Variants in GUCY1A2 observed in about 807,000 individuals in gnomAD.
The protein encoded by GUCY1A2 is guanylate cyclase 1 soluble subunit alpha 2.
In GUCY1A2, 27 loss-of-function variants were observed where a neutral mutation model predicts 63.5. The observed-to-expected ratio is 0.43, with a 90% confidence interval of 0.31 to 0.59. The LOEUF (loss-of-function observed/expected upper bound fraction) is 0.59. GUCY1A2 is among the 20% of genes least tolerant of loss of function. GUCY1A2 has a pLI of 0.11. For missense variants in GUCY1A2, 768 were observed against 913.3 expected (o/e 0.84, Z 2.05); for synonymous variants, 364 against 343.5 (o/e 1.06, Z -0.66).
chr11:106,866,621 TG>T (rs1337267934), intron 4 of GUCY1A2, among the ~76,000 whole-genome samples: 1 of 152,068 alleles, frequency 6.6e-6, no homozygotes, highest in Non-Finnish European at 1.5e-5. Context: ...ATTTGGTCTG[TG>T]GTAATAATGA....
chr11:106,966,411 T>C (rs1861127743), intron 3 of GUCY1A2, among the ~76,000 whole-genome samples: 3 of 152,026 alleles, frequency 2.0e-5, no homozygotes, highest in Admixed American at 2.0e-4. Flanking sequence ...CCCGGCCCCA[T>C]TGTCTTATTT....
Position 106,678,892 on chromosome 11 carries a change from T to C in GUCY1A2, c.*8657A>G, listed in dbSNP as rs192984070. 2 of 189,742 alleles carry C rather than the reference T, an allele frequency of 1.1e-5. No homozygotes were observed. The highest frequency in any genetic ancestry group is 1.9e-4 in the South Asian group (1 of 5,148). 11.8% of individuals were successfully genotyped at this position (189,742 alleles called of 1,614,324 possible). On this transcript the variant is annotated 3_prime_UTR_variant, in exon 8 of 8. Coordinates refer to ENST00000526355, the MANE Select transcript of GUCY1A2 (RefSeq NM_000855.3). ...AGTCTGTCATATTTATGACTTTTTT[T>C]CTGTAACAAATGGAAAATATAAAGT...
rs71044206 is a variant in GUCY1A2, at chr11:107,014,079, C to CTTT, written c.303+3671_303+3673dup. On this transcript the variant is annotated intron_variant, in intron 1 of 7. Transcript: ENST00000526355. ...AACTTATAATATATGCCATGTTTTC[C>CTTT]TTTTTTTTTTTTTTTTTTTTTTTTT... Among the ~76,000 whole-genome samples, 319 of 70,036 alleles carry CTTT rather than the reference C, an allele frequency of 4.6e-3. 32 individuals are homozygous for CTTT. Among genetic ancestry groups the CTTT allele is most frequent in the African/African-American group, 0.014 (243 of 16,834 alleles). 45.9% of individuals were successfully genotyped at this position (70,036 alleles called of 152,430 possible).
At position 106,850,194 on chromosome 11, in the gene GUCY1A2, A is replaced by G. The variant is rs552128032; in HGVS notation, c.1207-39716T>C. On this transcript the variant is annotated intron_variant, in intron 4 of 7. Transcript: ENST00000526355. ...TCATTTGAGTTCTCCATTTAGGTCT[A>G]TAATCCATTTTTTCCCTTTTTCTAG... is the stretch of plus-strand genomic sequence containing the variant. Among the ~76,000 whole-genome samples the G allele has an allele frequency of 3.6e-4, 55 of 151,882 alleles. 2 individuals are homozygous for G. The highest frequency in any genetic ancestry group is 2.8e-3 in the Admixed American group (42 of 15,238).
chr11:106,827,262 G>C, intron 4 of GUCY1A2: 1 of 1,551,228 alleles, frequency 6.4e-7, no homozygotes, highest in Non-Finnish European at 8.9e-7. Flanking sequence ...TTGTATATCT[G>C]GTTCTTTTAT....
intron 4 of GUCY1A2, among the ~76,000 whole-genome samples, chr11:106,870,377 G>A (rs1370753977): frequency 6.6e-6 from 1 of 151,772 alleles, no homozygotes; most frequent in Non-Finnish European, 1.5e-5. Flanking sequence ...GGAGTTCTTT[G>A]GTATTTAGTT....
rs1862520719 is a variant in GUCY1A2 at position 106,685,997 on chromosome 11, A to G, written c.*1552T>C. 1 of 219,406 alleles carries G rather than the reference A, an allele frequency of 4.6e-6. No individual in the cohort carries two copies. Among genetic ancestry groups the G allele is most frequent in the African/African-American group, 2.2e-5 (1 of 44,568 alleles). The allele number at this position is 219,406 out of a possible 1,614,324, so 13.6% of individuals were successfully genotyped here. On this transcript the variant is annotated 3_prime_UTR_variant, in exon 8 of 8. Coordinates refer to ENST00000526355, the MANE Select transcript of GUCY1A2 (RefSeq NM_000855.3). ...ATATATTCCTTAACTGAGTTATGTC[A>G]TAACCAAATCATAATGCAGCCAAAA...
chr11:106,863,216 T>C (rs1027438962), intron 4 of GUCY1A2, among the ~76,000 whole-genome samples: 1 of 152,194 alleles, frequency 6.6e-6, no homozygotes, highest in African/African-American at 2.4e-5. Flanking sequence ...TCTTTGCCCA[T>C]GCCTATTTCC....
chr11:106,881,638 T>A (rs1359018871), intron 4 of GUCY1A2, among the ~76,000 whole-genome samples: 1 of 152,014 alleles, frequency 6.6e-6, no homozygotes, highest in Admixed American at 6.6e-5. Flanking sequence ...TACCAAAATG[T>A]CACCTATGCT....
At chr11:106,740,422 G>T (rs1472504363) in intron 6 of GUCY1A2, among the ~76,000 whole-genome samples, 1 of 152,004 alleles carries the variant, frequency 6.6e-6, no homozygotes, top group Non-Finnish European at 1.5e-5. Context: ...TCTATGGTTG[G>T]CCATAGAGCA....
chr11:106,787,548 T>C (rs548970599), intron 5 of GUCY1A2, among the ~76,000 whole-genome samples: 51 of 1,594 alleles, frequency 0.032, no homozygotes, highest in Non-Finnish European at 0.043. Context: ...GAGAGAAAGA[T>C]AGAGAAAGAG....
chr11:106,960,051 A>G (rs1201236424), intron 3 of GUCY1A2, among the ~76,000 whole-genome samples: 1 of 152,188 alleles, frequency 6.6e-6, no homozygotes, highest in Non-Finnish European at 1.5e-5. Flanking sequence ...GCTGTAGCAT[A>G]ATCTTTCCAC....
chr11:106,832,703 G>A (rs977856352), intron 4 of GUCY1A2, among the ~76,000 whole-genome samples: 4 of 152,102 alleles, frequency 2.6e-5, no homozygotes, highest in Admixed American at 6.6e-5. Context: ...TTGCTTGAAT[G>A]TTTTCCTGAC....
At chr11:106,790,476 C>T (rs948673249) in intron 5 of GUCY1A2, among the ~76,000 whole-genome samples, 1 of 152,230 alleles carries the variant, frequency 6.6e-6, no homozygotes, top group Non-Finnish European at 1.5e-5. Context: ...CTACTTATTG[C>T]TCTACCTTAC....
chr11:106,955,101 T>G (rs2120039087), intron 3 of GUCY1A2, among the ~76,000 whole-genome samples: 1 of 152,254 alleles, frequency 6.6e-6, no homozygotes, highest in East Asian at 1.9e-4. Context: ...GCCTCTCAAG[T>G]AGCTGGGATT....
intron 7 of GUCY1A2, among the ~76,000 whole-genome samples, chr11:106,705,738 T>C (rs1163906404): frequency 2.0e-5 from 3 of 152,150 alleles, no homozygotes; most frequent in African/African-American, 7.2e-5. Context: ...CACGCACCTG[T>C]AGTCCCAGCT....
chr11:106,908,979 G>C (rs1478231586), intron 4 of GUCY1A2, among the ~76,000 whole-genome samples: 1 of 151,872 alleles, frequency 6.6e-6, no homozygotes, highest in Non-Finnish European at 1.5e-5. Context: ...AAAAGTAAAA[G>C]AAGAAAATTT....
chr11:106,760,062 A>T (rs1864039202), intron 6 of GUCY1A2, among the ~76,000 whole-genome samples: 1 of 152,184 alleles, frequency 6.6e-6, no homozygotes, highest in South Asian at 2.1e-4. Context: ...AGACCTGGAC[A>T]GCTCCTTCCC....
chr11:106,800,680 T>C (rs1212946625), intron 5 of GUCY1A2, among the ~76,000 whole-genome samples: 3 of 151,922 alleles, frequency 2.0e-5, no homozygotes, highest in Non-Finnish European at 2.9e-5. Context: ...TATGTGGGAA[T>C]TGAACAATGA....
Sources: allele counts gnomAD v4.1 joint callset (sites outside exome capture counted in the v4.1 genomes callset), GRCh38; gene constraint gnomAD v4.1.1; transcripts MANE v1.5; gene names NCBI Gene and HGNC (gene_info 2026-07-23, HGNC 2026-07-21).